The following CLVS1 variants were observed in gnomAD, a reference collection of about 807,000 sequenced individuals.
The protein encoded by CLVS1 is clavesin 1, also known as clavesin-1.
Under a neutral mutation model 33.1 loss-of-function variants are expected in CLVS1, and 10 were observed. That is an observed-to-expected ratio of 0.30 (90% confidence interval 0.19 to 0.51). CLVS1 has a LOEUF of 0.51. Ranked by LOEUF, CLVS1 falls within the 20% of genes least tolerant of loss-of-function variation. CLVS1 has a pLI of 0.97. For synonymous variants in CLVS1, 163 were observed against 166.1 expected, an observed-to-expected ratio of 0.98 and a Z score of 0.14; for missense variants, 343 against 433.4, an observed-to-expected ratio of 0.79 and a Z score of 1.85.
At chr8:61,029,831 A>G in the CLVS1 span, among the ~76,000 whole-genome samples, 1 of 152,198 alleles carries the variant, frequency 6.6e-6, no homozygotes. Flanking sequence ...GGTACACAAC[A>G]AGGATGCAGG....
At chr8:61,445,595 C>A (rs1383354507) in intron 3 of CLVS1, among the ~76,000 whole-genome samples, 1 of 152,158 alleles carries the variant, frequency 6.6e-6, no homozygotes, top group African/African-American at 2.4e-5. Context: ...AACCATCAGC[C>A]AAATAAACCT....
chr8:61,125,997 T>C (rs2129290375), intron 1 of CLVS1, among the ~76,000 whole-genome samples: 1 of 152,224 alleles, frequency 6.6e-6, no homozygotes, highest in Non-Finnish European at 1.5e-5. Context: ...GTAATATAGT[T>C]GATTGTGGAA....
intron 2 of CLVS1, among the ~76,000 whole-genome samples, chr8:61,210,204 C>T (rs935869292): frequency 2.0e-5 from 3 of 152,206 alleles, no homozygotes; most frequent in Non-Finnish European, 4.4e-5. Flanking sequence ...TAGTTAAGGG[C>T]TTGCCCTAAT....
intron 3 of CLVS1, among the ~76,000 whole-genome samples, chr8:61,383,352 T>G (rs1405205244): frequency 6.6e-6 from 1 of 152,238 alleles, no homozygotes; most frequent in East Asian, 1.9e-4. Flanking sequence ...ACCTCTTTCA[T>G]CCTGTAGGAC....
intron 1 of CLVS1, among the ~76,000 whole-genome samples, chr8:61,071,628 A>T (rs963249247): frequency 6.6e-6 from 1 of 152,228 alleles, no homozygotes; most frequent in South Asian, 2.1e-4. Flanking sequence ...GCAGATGAGC[A>T]TATGGATACC....
At chr8:60,966,843 T>C in the CLVS1 span, among the ~76,000 whole-genome samples, 6 of 152,192 alleles carry the variant, frequency 3.9e-5, no homozygotes, top group Non-Finnish European at 2.9e-5. Context: ...ACAAATTTCT[T>C]ATACATGACA....
chr8:61,284,573 G>T (rs1276415054), upstream of CLVS1, among the ~76,000 whole-genome samples: 1 of 152,198 alleles, frequency 6.6e-6, no homozygotes, highest in Non-Finnish European at 1.5e-5. Context: ...AAAGACCAAA[G>T]TGTCGGTAGT....
At chr8:61,089,399 G>T (rs1805188885) in intron 1 of CLVS1, among the ~76,000 whole-genome samples, 1 of 152,144 alleles carries the variant, frequency 6.6e-6, no homozygotes, top group Non-Finnish European at 1.5e-5. Context: ...GACATATGTG[G>T]TCCCATGATG....
chr8:61,009,531 G>A, the CLVS1 span, among the ~76,000 whole-genome samples: 1 of 37,704 alleles, frequency 2.7e-5, no homozygotes, highest in African/African-American at 1.0e-4. Context: ...TTATTAATGA[G>A]GTTGAACTTT....
intron 2 of CLVS1, among the ~76,000 whole-genome samples, chr8:61,273,109 C>T (rs1002686267): frequency 1.0e-4 from 15 of 150,226 alleles, no homozygotes; most frequent in Non-Finnish European, 1.5e-4. Flanking sequence ...GTTTTTTCCC[C>T]ATCTTTGTGG....
chr8:60,989,638 A>G, the CLVS1 span, among the ~76,000 whole-genome samples: 5 of 152,206 alleles, frequency 3.3e-5, no homozygotes, highest in African/African-American at 9.6e-5. Flanking sequence ...AATGTCCACT[A>G]TCCCACTGTA....
chr8:61,354,121 G>T (rs997974457), intron 2 of CLVS1, among the ~76,000 whole-genome samples: 3 of 151,950 alleles, frequency 2.0e-5, no homozygotes, highest in Non-Finnish European at 4.4e-5. Context: ...AGACACTTCT[G>T]GGCCCACGTG....
At chr8:61,191,811 A>G (rs988946768) in intron 2 of CLVS1, among the ~76,000 whole-genome samples, 3 of 152,170 alleles carry the variant, frequency 2.0e-5, no homozygotes, top group Non-Finnish European at 4.4e-5. Flanking sequence ...TAGGAATCCA[A>G]CTTACAAGGG....
At chr8:61,357,041 T>C (rs1011481847) in intron 2 of CLVS1, among the ~76,000 whole-genome samples, 1 of 152,196 alleles carries the variant, frequency 6.6e-6, no homozygotes, top group East Asian at 1.9e-4. Flanking sequence ...TCTTCCTACC[T>C]ATGAGCATGG....
chr8:61,131,926 G>T (rs1442577358), intron 2 of CLVS1: 1 of 152,248 alleles, frequency 6.6e-6, no homozygotes, highest in African/African-American at 2.4e-5. Flanking sequence ...ATTTCCTGAA[G>T]CTGGCTATTA....
At chr8:61,155,014 G>A (rs6981158) in intron 2 of CLVS1, among the ~76,000 whole-genome samples, 81,084 of 152,046 alleles carry the variant, frequency 0.53, 22,526 homozygotes, top group Middle Eastern at 0.72. Context: ...TTGTGTGTGC[G>A]TGGTTGCACA....
intron 2 of CLVS1, among the ~76,000 whole-genome samples, chr8:61,231,859 C>T (rs914082884): frequency 2.6e-5 from 4 of 151,936 alleles, no homozygotes; most frequent in African/African-American, 4.8e-5. Context: ...CACTTTCAGT[C>T]GAACCTTACC....
upstream of CLVS1, among the ~76,000 whole-genome samples, chr8:61,055,045 G>A (rs993113206): frequency 6.6e-6 from 1 of 152,160 alleles, no homozygotes; most frequent in African/African-American, 2.4e-5. Context: ...AACTGTGGTT[G>A]AGACTTCCTT....
At chr8:61,257,713 A>G (rs182050542) in intron 2 of CLVS1, among the ~76,000 whole-genome samples, 14 of 152,284 alleles carry the variant, frequency 9.2e-5, no homozygotes, top group Admixed American at 2.0e-4. Context: ...GGAACCCAGG[A>G]CCTAATTTAA....
Sources: allele counts gnomAD v4.1 joint callset (sites outside exome capture counted in the v4.1 genomes callset), GRCh38; gene constraint gnomAD v4.1.1; transcripts MANE v1.5; gene names NCBI Gene and HGNC (gene_info 2026-07-23, HGNC 2026-07-21).